Variants in SEC11A observed in about 807,000 individuals in gnomAD.
SEC11A encodes SEC11 homolog A, signal peptidase complex subunit, also known as signal peptidase complex catalytic subunit SEC11A.
A neutral mutation model predicts 25.6 loss-of-function variants in SEC11A; 14 were observed. The observed-to-expected ratio is 0.55, with a 90% CI of 0.36 to 0.85. SEC11A has a LOEUF of 0.85. SEC11A is among the 40% of genes least tolerant of loss of function. The probability of loss-of-function intolerance (pLI) is 0.01; values close to 1 mark genes in which losing one functional copy is unlikely to be tolerated. For missense variants in SEC11A, 153 were observed against 222.9 expected (o/e 0.69, Z 2.00); for synonymous variants, 83 against 76.4 (o/e 1.09, Z -0.45).
intron 2 of SEC11A, among the ~76,000 whole-genome samples, chr15:84,688,913 C>A (rs950986496): frequency 1.3e-5 from 2 of 151,940 alleles, no homozygotes; most frequent in Non-Finnish European, 2.9e-5. Context: ...CGCCTGTAAT[C>A]CCAGCTACTC....
At position 84,669,827 on chromosome 15, in the gene SEC11A, G is replaced by C. The variant is rs918536799; in HGVS notation, c.*192C>G. 1.3e-6 allele frequency: 1 copy of C among 788,960 alleles called. No individual in the cohort carries two copies. The allele number at this position is 788,960 out of a possible 1,614,324, so 48.9% of individuals were successfully genotyped here. A position where few individuals can be genotyped will look rare whatever the true frequency, so the allele number is the denominator to read the frequency against. On this transcript the variant is annotated 3_prime_UTR_variant, in exon 6 of 6. Coordinates refer to ENST00000268220, the MANE Select transcript of SEC11A (RefSeq NM_014300.4). The stretch of plus-strand genomic sequence containing the variant: ...AAATCCTGTGACTGAAAGTCCCCTC[G>C]AGTGCACTCTGTGGTGCACATGCGC...
intron 1 of SEC11A, among the ~76,000 whole-genome samples, chr15:84,695,089 A>T (rs1413746521): frequency 4.8e-3 from 32 of 6,634 alleles, no homozygotes; most frequent in African/African-American, 0.026. Context: ...GACTCCATCT[A>T]AAAAAAAAAA....
chr15:84,680,154 A>G (rs995040194), intron 4 of SEC11A, among the ~76,000 whole-genome samples: 9 of 151,450 alleles, frequency 5.9e-5, no homozygotes, highest in African/African-American at 2.2e-4. Flanking sequence ...AAAAAAAATT[A>G]GCCGGGCATG....
At position 84,715,895 on chromosome 15, in the gene SEC11A, G is replaced by A; in HGVS notation, c.51+130C>T. On this transcript the variant is annotated intron_variant, in intron 1 of 5. Coordinates refer to ENST00000268220, the MANE Select transcript of SEC11A (RefSeq NM_014300.4). ...GCGGCCTCTGGCCACAGTCTCCAAA[G>A]AAAGCGAATGACCCGGGTATCAGAC... 1.1e-5 allele frequency: 9 copies of A among 839,348 alleles called. No individual in the cohort carries two copies. In the South Asian group the frequency reaches 1.4e-4, roughly 13 times the overall value. The allele number at this position is 839,348 out of a possible 1,614,324, so 52.0% of individuals were successfully genotyped here. A position where few individuals can be genotyped will look rare whatever the true frequency, so the allele number is the denominator to read the frequency against.
chr15:84,708,101 A>T (rs919089062), intron 1 of SEC11A, among the ~76,000 whole-genome samples: 1 of 150,348 alleles, frequency 6.7e-6, no homozygotes, highest in Non-Finnish European at 1.5e-5. Context: ...ATCCCAGTTA[A>T]TCAGGAGACT....
rs760926251 is a variant in SEC11A at position 84,680,751 on chromosome 15, A to G, written c.393T>C (p.His131=). The change falls in exon 4 of 6, where the codon CAT becomes CAC. Residue 131 remains histidine (H), a synonymous_variant. Coordinates refer to ENST00000268220, the MANE Select transcript of SEC11A (RefSeq NM_014300.4). ...DDRGLYKQGQ[H]WLEKKDVVGR... ...CCACAACATCTTTTTTCTCTAGCCA[A>G]TGTTGTCCTTGTTTATAGAGGCCTC... 23 of 1,612,888 alleles carry G rather than the reference A, an allele frequency of 1.4e-5. No individual in the cohort carries two copies. Among genetic ancestry groups the G allele is most frequent in the East Asian group, 4.5e-5 (2 of 44,882 alleles).
chr15:84,688,028 TA>T (rs1208011187), intron 2 of SEC11A, among the ~76,000 whole-genome samples: 1 of 150,816 alleles, frequency 6.6e-6, no homozygotes, highest in African/African-American at 2.5e-5. Context: ...CAAAGAAGCT[TA>T]AATCTTGAAA....
intron 3 of SEC11A, 115 bp downstream of exon 3, chr15:84,687,509 TG>T: frequency 1.4e-6 from 1 of 712,984 alleles, no homozygotes; most frequent in Non-Finnish European, 2.1e-6. Context: ...AAAAATGGAC[TG>T]GAAGAAGGCC....
chr15:84,683,476 A>G (rs1258205312), intron 3 of SEC11A, among the ~76,000 whole-genome samples: 1 of 152,224 alleles, frequency 6.6e-6, no homozygotes, highest in African/African-American at 2.4e-5. Context: ...AGTTATCACT[A>G]TAGTTTTTTT....
intron 4 of SEC11A, among the ~76,000 whole-genome samples, chr15:84,678,920 G>A (rs1897211625): frequency 6.6e-6 from 1 of 151,838 alleles, no homozygotes; most frequent in Non-Finnish European, 1.5e-5. Flanking sequence ...TTTAAGCCCA[G>A]GAGGCAGAGG....
chr15:84,691,865 A>T (rs1897617977), intron 1 of SEC11A: 2 of 389,606 alleles, frequency 5.1e-6, no homozygotes, highest in African/African-American at 4.2e-5. Flanking sequence ...GTAAAACATC[A>T]GTTACATTTA....
intron 1 of SEC11A, among the ~76,000 whole-genome samples, chr15:84,715,754 G>A (rs1259904409): frequency 6.6e-6 from 1 of 152,170 alleles, no homozygotes; most frequent in Non-Finnish European, 1.5e-5. Context: ...AGCGCGTACG[G>A]TTTCCATTTG....
intron 1 of SEC11A, among the ~76,000 whole-genome samples, chr15:84,697,730 T>C (rs527548011): frequency 1.3e-5 from 2 of 152,318 alleles, no homozygotes; most frequent in Admixed American, 6.5e-5. Context: ...GGAATGTATA[T>C]AATTGGAAAA....
chr15:84,681,428 G>A (rs1897280266), intron 3 of SEC11A, among the ~76,000 whole-genome samples: 2 of 152,098 alleles, frequency 1.3e-5, no homozygotes, highest in East Asian at 1.9e-4. Flanking sequence ...TCAGAAGTTC[G>A]AGACCAGCCT....
intron 1 of SEC11A, among the ~76,000 whole-genome samples, chr15:84,698,681 A>G (rs1324486391): frequency 6.6e-6 from 1 of 152,218 alleles, no homozygotes; most frequent in Non-Finnish European, 1.5e-5. Context: ...TTAAAATCTG[A>G]CAAGTGAAAA....
intron 1 of SEC11A, among the ~76,000 whole-genome samples, chr15:84,708,489 G>C (rs1898166002): frequency 6.6e-6 from 1 of 151,850 alleles, no homozygotes; most frequent in Non-Finnish European, 1.5e-5. Context: ...TTCCTATTAG[G>C]TCTATATCTA....
chr15:84,702,960 C>T (rs1856353638), intron 1 of SEC11A, among the ~76,000 whole-genome samples: 1 of 152,144 alleles, frequency 6.6e-6, no homozygotes, highest in African/African-American at 2.4e-5. Context: ...CAGGTCCAAG[C>T]TTTGAAAGCT....
chr15:84,693,737 A>C (rs1458372616), intron 1 of SEC11A, among the ~76,000 whole-genome samples: 1 of 152,164 alleles, frequency 6.6e-6, no homozygotes. Context: ...CTGGGATGAC[A>C]GATGTGAGCC....
At chr15:84,685,441 TTA>T (rs1217148138) in intron 3 of SEC11A, among the ~76,000 whole-genome samples, 203 of 149,656 alleles carry the variant, frequency 1.4e-3, no homozygotes, top group African/African-American at 4.8e-3. Context: ...TTTTTTTTTT[TTA>T]TTTGTAGAGA....
Sources: gnomAD v4.1 joint callset for allele counts (sites outside exome capture counted in the v4.1 genomes callset) on GRCh38, gnomAD v4.1.1 for gene constraint, MANE v1.5 for transcripts, NCBI Gene and HGNC (gene_info 2026-07-23, HGNC 2026-07-21) for gene names.